The following CCNB3 variants were observed in gnomAD, a reference collection of about 807,000 sequenced individuals.
CCNB3 encodes the protein G2/mitotic-specific cyclin-B3.
In CCNB3, 12 loss-of-function variants were observed where a neutral mutation model predicts 68.0. That is an observed-to-expected ratio of 0.18 (90% CI 0.11 to 0.29). The LOEUF (loss-of-function observed/expected upper bound fraction) is 0.29. Ranked by LOEUF, CCNB3 falls within the 10% of genes least tolerant of loss-of-function variation. The pLI, the probability that CCNB3 is intolerant of heterozygous loss-of-function variation, is 1.00. For missense variants in CCNB3, 904 were observed against 993.1 expected, an observed-to-expected ratio of 0.91 and a Z score of 1.21; for synonymous variants, 354 against 388.9, an observed-to-expected ratio of 0.91 and a Z score of 1.06.
chrX:50,228,259 AATAT>A (rs1225108422), intron 1 of CCNB3, among the ~76,000 whole-genome samples: 7 of 89,545 alleles, frequency 7.8e-5, no homozygotes, highest in Non-Finnish European at 2.1e-5. Flanking sequence ...AAATACATAG[AATAT>A]ATATAAATAC....
chrX:50,207,278 T>A (rs79485191), intron 1 of CCNB3, among the ~76,000 whole-genome samples: 26 of 111,810 alleles, frequency 2.3e-4, no homozygotes, highest in Admixed American at 2.0e-3. Context: ...TGGTGTTGAT[T>A]ATAAGAGTGG....
intron 1 of CCNB3, among the ~76,000 whole-genome samples, chrX:50,279,651 C>T (rs1187053534): frequency 1.1e-5 from 1 of 88,925 alleles, no homozygotes; most frequent in Non-Finnish European, 2.1e-5. Flanking sequence ...TATGTACATT[C>T]ATCTATGTAA....
chrX:50,335,286 T>G (rs188621798), intron 8 of CCNB3, among the ~76,000 whole-genome samples: 2 of 112,097 alleles, frequency 1.8e-5, no homozygotes, highest in East Asian at 5.6e-4. Flanking sequence ...CAGGAGCTAG[T>G]CTGATGCTAA....
intron 8 of CCNB3, among the ~76,000 whole-genome samples, chrX:50,339,346 A>C (rs1923008329): frequency 8.9e-6 from 1 of 112,384 alleles, no homozygotes; most frequent in African/African-American, 3.2e-5. Flanking sequence ...AAATCGTTGC[A>C]TTCTTTCGAG....
intron 1 of CCNB3, among the ~76,000 whole-genome samples, chrX:50,227,290 GTACAGAATATATATAAATATACA>G (rs1195736977): frequency 6.6e-5 from 5 of 76,061 alleles, no homozygotes; most frequent in African/African-American, 1.5e-4. Context: ...ATAAATACAT[GTACAGAATATATATAAATATACA>G]TACAGAATAT....
Position 50,308,900 on chromosome X carries a change from G to T in CCNB3, c.731G>T (p.Cys244Phe), listed in dbSNP as rs1557213977. 4.1e-6 allele frequency: 5 copies of T among 1,209,536 alleles called. No individual in the cohort carries two copies. In the African/African-American group the frequency reaches 7.0e-5, roughly 17 times the overall value. Residue 244 changes from cysteine to phenylalanine, a missense_variant, in exon 6 of 13, where the codon TGC (cysteine) becomes TTC (phenylalanine). Physicochemically the swap from Cys to Phe is radical, Grantham distance 205. Transcript: ENST00000376042. ...KMCASQRKQS[C>F]QEESLAVQDV... ...TGTGCAAGTCAGCGGAAGCAGTCCT[G>T]CCAGGAAGAGTCGTTGGCTGTGCAG...
chrX:50,280,956 TTTC>T (rs1318464087), intron 1 of CCNB3, among the ~76,000 whole-genome samples: 1 of 109,497 alleles, frequency 9.1e-6, no homozygotes, highest in African/African-American at 3.3e-5. Flanking sequence ...AGATGGGGTT[TTTC>T]CATGTTGCCC....
intron 4 of CCNB3, among the ~76,000 whole-genome samples, chrX:50,290,050 T>C (rs1448972845): frequency 1.1e-4 from 12 of 112,091 alleles, no homozygotes; most frequent in African/African-American, 3.9e-4. Context: ...TAGATTAATT[T>C]CCTGACTTAT....
chrX:50,327,069 A>G (rs1299019784), intron 8 of CCNB3, among the ~76,000 whole-genome samples: 3 of 112,213 alleles, frequency 2.7e-5, no homozygotes, highest in African/African-American at 9.7e-5. Context: ...AACCAGAAGC[A>G]CTTGTGAGGA....
At chrX:50,306,628 G>T (rs1292499746) in intron 5 of CCNB3, among the ~76,000 whole-genome samples, 1 of 111,722 alleles carries the variant, frequency 9.0e-6, no homozygotes, top group Non-Finnish European at 1.9e-5. Flanking sequence ...CCTTTATCAG[G>T]TTGAGGAACC....
chrX:50,203,656 C>T (rs1253455488), upstream of CCNB3, among the ~76,000 whole-genome samples: 1 of 111,928 alleles, frequency 8.9e-6, no homozygotes, highest in Non-Finnish European at 1.9e-5. Context: ...GTTTTGTCTG[C>T]ATTGTACATA....
At chrX:50,279,359 T>G (rs1936033115) in intron 1 of CCNB3, among the ~76,000 whole-genome samples, 1 of 77,133 alleles carries the variant, frequency 1.3e-5, no homozygotes, top group Non-Finnish European at 2.3e-5. Flanking sequence ...ATATAGGATA[T>G]TTATATGAAT....
At chrX:50,206,253 A>G (rs1173772315) in intron 1 of CCNB3, among the ~76,000 whole-genome samples, 2 of 108,760 alleles carry the variant, frequency 1.8e-5, no homozygotes, top group Admixed American at 2.0e-4. Flanking sequence ...AAATAAATAA[A>G]TAAATAAATA....
intron 8 of CCNB3, among the ~76,000 whole-genome samples, chrX:50,320,982 T>C (rs1921986382): frequency 1.8e-5 from 2 of 111,792 alleles, no homozygotes; most frequent in African/African-American, 6.5e-5. Flanking sequence ...CTGCTATTAA[T>C]GGACATTTAG....
intron 12 of CCNB3, 110 bp from the exon 13 acceptor site, chrX:50,351,497 C>G: frequency 1.9e-6 from 2 of 1,054,806 alleles, no homozygotes; most frequent in Non-Finnish European, 2.6e-6. Flanking sequence ...CCTTTCTACT[C>G]TAGGGTTAAA....
intron 8 of CCNB3, among the ~76,000 whole-genome samples, chrX:50,341,429 A>G (rs1018488751): frequency 4.6e-5 from 5 of 109,508 alleles, no homozygotes; most frequent in Admixed American, 9.7e-5. Flanking sequence ...CAAACAATCT[A>G]ACAAAGCACC....
chrX:50,329,064 T>C (rs1922442571), intron 8 of CCNB3, among the ~76,000 whole-genome samples: 1 of 112,640 alleles, frequency 8.9e-6, no homozygotes, highest in Non-Finnish European at 1.9e-5. Flanking sequence ...CCTGTGACTT[T>C]ATGGGGTTCA....
chrX:50,333,519 T>C (rs1922705758), intron 8 of CCNB3, among the ~76,000 whole-genome samples: 1 of 111,138 alleles, frequency 9.0e-6, no homozygotes, highest in Non-Finnish European at 1.9e-5. Context: ...CTGGCAACTG[T>C]GAGATGTAGA....
At chrX:50,339,798 G>A (rs1413155146) in intron 8 of CCNB3, among the ~76,000 whole-genome samples, 2 of 111,140 alleles carry the variant, frequency 1.8e-5, no homozygotes, top group African/African-American at 6.6e-5. Flanking sequence ...GCAAGGGGGT[G>A]GGGTAAGGTG....
Sources: gnomAD v4.1 joint callset for allele counts (sites outside exome capture counted in the v4.1 genomes callset) on GRCh38, gnomAD v4.1.1 for gene constraint, MANE v1.5 for transcripts, NCBI Gene and HGNC (gene_info 2026-07-23, HGNC 2026-07-21) for gene names.